KAZN: variants seen among roughly 807,000 people sequenced by gnomAD.
KAZN encodes kazrin, periplakin interacting protein.
KAZN carries 40 observed loss-of-function variants against 87.4 expected under a neutral mutation model. The ratio of observed to expected loss-of-function variants is 0.46; its 90% CI spans 0.36 to 0.60. The LOEUF (loss-of-function observed/expected upper bound fraction) is 0.60, where lower values mean the gene tolerates loss of function less well. Ranked by LOEUF, KAZN falls within the 20% of genes least tolerant of loss-of-function variation. KAZN has a pLI of 0.00. For missense variants in KAZN, 898 were observed against 1,073.9 expected, an observed-to-expected ratio of 0.84 and a Z score of 2.29; for synonymous variants, 466 against 458.3, an observed-to-expected ratio of 1.02 and a Z score of -0.22.
chr1:14,931,473 G>A (rs949638372), intron 1 of KAZN, among the ~76,000 whole-genome samples: 1 of 152,026 alleles, frequency 6.6e-6, no homozygotes, highest in Non-Finnish European at 1.5e-5. Flanking sequence ...GAAGTCATGG[G>A]AATGTCTTGG....
At chr1:14,329,023 G>T (rs911673905) in intron 2 of KAZN, among the ~76,000 whole-genome samples, 3 of 152,086 alleles carry the variant, frequency 2.0e-5, no homozygotes, top group African/African-American at 7.2e-5. Context: ...CTTAACCAAA[G>T]ACAAATTTTA....
chr1:14,350,509 C>T (rs949347416), intron 2 of KAZN, among the ~76,000 whole-genome samples: 15 of 152,214 alleles, frequency 9.9e-5, no homozygotes, highest in Middle Eastern at 3.4e-3. Flanking sequence ...CATGTGGCAA[C>T]GTCTGGAGAT....
chr1:14,971,691 T>C (rs1307366962), intron 2 of KAZN, among the ~76,000 whole-genome samples: 41 of 144,946 alleles, frequency 2.8e-4, no homozygotes, highest in African/African-American at 9.7e-4. Context: ...CTTTTTTTTT[T>C]TTTTTTTTGA....
chr1:14,563,231 A>C (rs1674355347), intron 2 of KAZN, among the ~76,000 whole-genome samples: 1 of 152,180 alleles, frequency 6.6e-6, no homozygotes, highest in Admixed American at 6.5e-5. Context: ...CCTTTCTACC[A>C]AGTGCATTCA....
intron 1 of KAZN, among the ~76,000 whole-genome samples, chr1:13,935,252 G>GTAA (rs138811922): frequency 1.9e-4 from 28 of 147,062 alleles, no homozygotes; most frequent in East Asian, 8.0e-4. Flanking sequence ...AGTAGTAGTA[G>GTAA]TAATAATAAT....
intron 2 of KAZN, among the ~76,000 whole-genome samples, chr1:14,221,052 C>G (rs543697448): frequency 1.3e-5 from 2 of 152,130 alleles, no homozygotes; most frequent in East Asian, 1.9e-4. Flanking sequence ...GTTCCTGCCC[C>G]CAAGGAGTTC....
At chr1:14,455,819 T>TC (rs1260377734) in intron 2 of KAZN, among the ~76,000 whole-genome samples, 1 of 152,170 alleles carries the variant, frequency 6.6e-6, no homozygotes, top group Non-Finnish European at 1.5e-5. Context: ...TTTATGCCCC[T>TC]CTGGCTCAGA....
At chr1:13,958,033 G>C (rs928440218) in intron 1 of KAZN, among the ~76,000 whole-genome samples, 1 of 152,176 alleles carries the variant, frequency 6.6e-6, no homozygotes, top group African/African-American at 2.4e-5. Flanking sequence ...TTATTGAATA[G>C]GCATGTGCAT....
intron 1 of KAZN, among the ~76,000 whole-genome samples, chr1:13,995,477 A>T (rs1032867843): frequency 6.6e-6 from 1 of 152,270 alleles, no homozygotes; most frequent in Non-Finnish European, 1.5e-5. Context: ...TTGGGAACAG[A>T]TCTAACAAGA....
intron 2 of KAZN, among the ~76,000 whole-genome samples, chr1:14,491,448 C>T (rs146527222): frequency 0.022 from 3,290 of 152,200 alleles, 50 homozygotes; most frequent in Non-Finnish European, 0.036. Context: ...GCTATCCCTC[C>T]CCTAGTCCCC....
rs138161423 is a variant in KAZN at position 14,772,142 on chromosome 1, T to C, written c.226+172919T>C. On this transcript the variant is annotated intron_variant, in intron 1 of 14. Transcript: ENST00000376030. ...TGAATGTTTCCCTTCTCATCTTGCA[T>C]TTGGCATTTTTCTCAATGAGGGTGT... 8.9e-3 allele frequency among the ~76,000 whole-genome samples: 1,355 copies of C among 151,742 alleles called. 22 individuals are homozygous for C. The highest frequency in any genetic ancestry group is 0.031 in the African/African-American group (1,300 of 41,356).
chr1:14,308,610 T>A (rs1392019512), intron 2 of KAZN, among the ~76,000 whole-genome samples: 1 of 152,156 alleles, frequency 6.6e-6, no homozygotes, highest in Non-Finnish European at 1.5e-5. Flanking sequence ...CTGGTGTAAA[T>A]CCTGGATCTG....
chr1:14,466,107 T>C (rs925577647), intron 2 of KAZN, among the ~76,000 whole-genome samples: 8 of 152,208 alleles, frequency 5.3e-5, no homozygotes, highest in African/African-American at 1.9e-4. Context: ...GCATGCTCCA[T>C]GGTGTCACCT....
chr1:14,789,835 A>G (rs1450288484), intron 1 of KAZN, among the ~76,000 whole-genome samples: 4 of 139,480 alleles, frequency 2.9e-5, no homozygotes, highest in African/African-American at 1.0e-4. Context: ...CACAGTTAAT[A>G]TGTTTGCTGA....
chr1:14,344,869 A>G (rs969805857), intron 2 of KAZN, among the ~76,000 whole-genome samples: 3 of 152,000 alleles, frequency 2.0e-5, no homozygotes, highest in Non-Finnish European at 2.9e-5. Flanking sequence ...ACGGGTGGAC[A>G]TAGCTTCAGG....
chr1:14,511,149 T>G (rs567248291), intron 2 of KAZN, among the ~76,000 whole-genome samples: 1 of 152,290 alleles, frequency 6.6e-6, no homozygotes, highest in South Asian at 2.1e-4. Context: ...GCATGTGATA[T>G]TCATTCATTT....
intron 1 of KAZN, among the ~76,000 whole-genome samples, chr1:14,682,757 T>C (rs1640746996): frequency 6.6e-6 from 1 of 152,178 alleles, no homozygotes; most frequent in South Asian, 2.1e-4. Flanking sequence ...TCCTCACATA[T>C]TTACCTGTTA....
intron 1 of KAZN, among the ~76,000 whole-genome samples, chr1:14,051,142 T>A (rs1034381957): frequency 6.6e-6 from 1 of 152,156 alleles, no homozygotes. Context: ...AGGGGAGGCA[T>A]CAAGCGTCAT....
At chr1:14,937,182 C>T (rs1305738502) in intron 1 of KAZN, among the ~76,000 whole-genome samples, 1 of 152,238 alleles carries the variant, frequency 6.6e-6, no homozygotes, top group African/African-American at 2.4e-5. Flanking sequence ...AGTGGCGCTG[C>T]AGAAGGTGAA....
Sources: gnomAD v4.1 joint callset for allele counts (sites outside exome capture counted in the v4.1 genomes callset) on GRCh38, gnomAD v4.1.1 for gene constraint, MANE v1.5 for transcripts, NCBI Gene and HGNC (gene_info 2026-07-23, HGNC 2026-07-21) for gene names.